NRXN3: variants seen among roughly 807,000 people sequenced by gnomAD.
The protein encoded by NRXN3 is neurexin III.
Under a neutral mutation model 137.6 loss-of-function variants are expected in NRXN3, and 32 were observed. The ratio of observed to expected loss-of-function variants is 0.23; its 90% CI spans 0.18 to 0.31. NRXN3 has a LOEUF of 0.31. NRXN3 is among the 10% of genes least tolerant of loss of function. The probability of loss-of-function intolerance (pLI) is 1.00; values close to 1 mark genes in which losing one functional copy is unlikely to be tolerated. For synonymous variants in NRXN3, 798 were observed against 784.5 expected, an observed-to-expected ratio of 1.02 and a Z score of -0.29; for missense variants, 1,574 against 2,062.5, an observed-to-expected ratio of 0.76 and a Z score of 4.59.
chr14:79,308,410 T>G (rs1011658365), intron 15 of NRXN3, among the ~76,000 whole-genome samples: 1 of 152,104 alleles, frequency 6.6e-6, no homozygotes, highest in African/African-American at 2.4e-5. Flanking sequence ...GGACTTAGGA[T>G]GCTATACCTG....
rs1210587177 is a variant in NRXN3 at position 79,433,041 on chromosome 14, A to G, written c.3263-34180A>G. ...TACCTTTTGGTTTTCCCCGGCACCT[A>G]ACAATGTAATCTTCACAAAGCAGTG... On this transcript the variant is annotated intron_variant, in intron 15 of 20. Coordinates refer to ENST00000335750, the MANE Select transcript of NRXN3 (RefSeq NM_001330195.2). Among the ~76,000 whole-genome samples the G allele has an allele frequency of 3.9e-5, 6 of 152,208 alleles. No homozygotes were observed. In the East Asian group the frequency reaches 1.2e-3, roughly 29 times the overall value.
At chr14:78,684,464 C>T (rs995105882) in intron 6 of NRXN3, among the ~76,000 whole-genome samples, 39 of 152,124 alleles carry the variant, frequency 2.6e-4, no homozygotes, top group African/African-American at 8.7e-4. Flanking sequence ...CCAGGAGACA[C>T]GGAAGTCAGG....
At chr14:79,143,569 G>A (rs574382633) in intron 15 of NRXN3, among the ~76,000 whole-genome samples, 1 of 152,250 alleles carries the variant, frequency 6.6e-6, no homozygotes, top group South Asian at 2.1e-4. Flanking sequence ...ACACCATTAT[G>A]GGAAAACAAT....
intron 4 of NRXN3, among the ~76,000 whole-genome samples, chr14:78,595,844 A>G (rs2152419654): frequency 6.6e-6 from 1 of 152,158 alleles, no homozygotes; most frequent in Non-Finnish European, 1.5e-5. Context: ...TTCCTGGGAA[A>G]GGGGGTGGCA....
chr14:78,243,241 G>A lies in NRXN3; in HGVS notation c.148G>A (p.Asp50Asn). 1 of 1,555,074 alleles carries A rather than the reference G, an allele frequency of 6.4e-7. No individual in the cohort carries two copies. Among genetic ancestry groups the A allele is most frequent in the Non-Finnish European group, 8.6e-7 (1 of 1,157,928 alleles). ...CCGCTGGGATGCCAGCACACGCAGT[G>A]ACCTGAGTTTCCAGTTCAAGACCAA... is the stretch of plus-strand genomic sequence containing the variant. The part of the protein sequence containing the change: ...YLRWDASTRS[D>N]LSFQFKTNVS... The change falls in exon 2 of 21, where the codon GAC becomes AAC. Residue 50 changes from aspartate (D) to asparagine (N), a missense_variant. Transcript: ENST00000335750. The surrounding 1 kb of genome is among the most constrained non-coding windows in gnomAD (Gnocchi z 4.2).
intron 4 of NRXN3, among the ~76,000 whole-genome samples, chr14:78,357,033 G>T (rs1465849228): frequency 1.3e-5 from 2 of 152,156 alleles, no homozygotes; most frequent in African/African-American, 4.8e-5. Flanking sequence ...GACAATAGAA[G>T]GTGAATTGGG....
chr14:79,093,189 G>A (rs962778735), intron 15 of NRXN3, among the ~76,000 whole-genome samples: 1 of 152,198 alleles, frequency 6.6e-6, no homozygotes, highest in Admixed American at 6.6e-5. Flanking sequence ...CCAGCCAAAT[G>A]TAGAAGCTTC....
intron 15 of NRXN3, among the ~76,000 whole-genome samples, chr14:79,366,602 T>C (rs1020503265): frequency 1.3e-5 from 2 of 152,186 alleles, no homozygotes; most frequent in Admixed American, 1.3e-4. Flanking sequence ...TCTTTCTCTG[T>C]CTTCTTTTTT....
At chr14:78,487,189 C>CT (rs915453630) in intron 4 of NRXN3, among the ~76,000 whole-genome samples, 27 of 151,856 alleles carry the variant, frequency 1.8e-4, no homozygotes, top group Non-Finnish European at 3.1e-4. Context: ...TCTCAGATGA[C>CT]TTTTTTTTCT....
At chr14:78,275,749 G>T (rs988412362) in intron 2 of NRXN3, among the ~76,000 whole-genome samples, 1 of 152,158 alleles carries the variant, frequency 6.6e-6, no homozygotes, top group African/African-American at 2.4e-5. Context: ...GCTCAAGTGG[G>T]AGTGGGGGTC....
At chr14:79,763,175 C>G (rs1323304615) in intron 19 of NRXN3, among the ~76,000 whole-genome samples, 1 of 151,590 alleles carries the variant, frequency 6.6e-6, no homozygotes, top group Non-Finnish European at 1.5e-5. Context: ...CCAGCTTCAT[C>G]CATGTCCCTG....
intron 17 of NRXN3, among the ~76,000 whole-genome samples, chr14:79,682,674 T>C (rs891957279): frequency 6.6e-6 from 1 of 152,150 alleles, no homozygotes; most frequent in Non-Finnish European, 1.5e-5. Flanking sequence ...TCTAATGATG[T>C]TCTAAGCAGA....
In NRXN3 at chr14:78,212,838, CT is replaced by C. The variant is rs970599080; in HGVS notation, c.-703-29545del. ...TATATTTTTACTTTTGGTAGTGGAA[CT>C]TTTTTTTGGTCAAATGAAATCTTAC... On this transcript the variant is annotated intron_variant, in intron 1 of 20. Coordinates refer to ENST00000335750, the MANE Select transcript of NRXN3 (RefSeq NM_001330195.2). Among the ~76,000 whole-genome samples, 55 of 151,972 alleles carry C rather than the reference CT, an allele frequency of 3.6e-4. 1 individual carries two copies. Among genetic ancestry groups the C allele is most frequent in the East Asian group, 1.9e-4 (1 of 5,186 alleles).
intron 4 of NRXN3, among the ~76,000 whole-genome samples, chr14:78,602,207 C>T (rs887433636): frequency 8.2e-5 from 12 of 146,826 alleles, no homozygotes; most frequent in Non-Finnish European, 1.5e-4. Context: ...AAACAATTTT[C>T]TTTCTGAATA....
At chr14:78,931,961 A>G (rs1158096265) in intron 10 of NRXN3, among the ~76,000 whole-genome samples, 4 of 152,222 alleles carry the variant, frequency 2.6e-5, no homozygotes, top group South Asian at 4.2e-4. Flanking sequence ...AGTCCGGCCA[A>G]CGTGGCAAAA....
At chr14:79,520,139 A>G (rs889763020) in intron 16 of NRXN3, among the ~76,000 whole-genome samples, 4 of 152,108 alleles carry the variant, frequency 2.6e-5, no homozygotes, top group Admixed American at 2.6e-4. Flanking sequence ...ATTTTAAACA[A>G]AAAGGTCTTT....
At chr14:79,771,091 T>C (rs1451014922) in intron 19 of NRXN3, among the ~76,000 whole-genome samples, 1 of 152,194 alleles carries the variant, frequency 6.6e-6, no homozygotes, top group Non-Finnish European at 1.5e-5. Context: ...ATTGAGTCTC[T>C]GAATAGACGA....
At chr14:79,503,430 C>T (rs1221068122) in intron 16 of NRXN3, among the ~76,000 whole-genome samples, 2 of 152,178 alleles carry the variant, frequency 1.3e-5, no homozygotes, top group East Asian at 3.9e-4. Flanking sequence ...CGTACAGGGA[C>T]CGCGTTACCA....
chr14:79,363,308 C>G (rs1015721021), intron 15 of NRXN3, among the ~76,000 whole-genome samples: 12 of 152,284 alleles, frequency 7.9e-5, no homozygotes, highest in African/African-American at 2.9e-4. Context: ...CAAAAATTGT[C>G]TCTTTTTTGA....
Sources: gnomAD v4.1 joint callset for allele counts (sites outside exome capture counted in the v4.1 genomes callset) on GRCh38, gnomAD v4.1.1 for gene constraint, Gnocchi (gnomAD v3.1) non-coding constraint, MANE v1.5 for transcripts, NCBI Gene and HGNC (gene_info 2026-07-23, HGNC 2026-07-21) for gene names.